Variants in GRIK4 observed in about 807,000 individuals in gnomAD.
GRIK4 encodes glutamate ionotropic receptor kainate type subunit 4.
A neutral mutation model predicts 104.9 loss-of-function variants in GRIK4; 40 were observed. The ratio of observed to expected loss-of-function variants is 0.38; its 90% CI spans 0.30 to 0.50. The LOEUF (loss-of-function observed/expected upper bound fraction) is 0.50. GRIK4 is among the 20% of genes least tolerant of loss of function. The probability of loss-of-function intolerance (pLI) is 0.93; values close to 1 mark genes in which losing one functional copy is unlikely to be tolerated. For synonymous variants in GRIK4, 485 were observed against 524.9 expected (o/e 0.92, Z 1.04); for missense variants, 1,047 against 1,308.1 (o/e 0.80, Z 3.08).
intron 11 of GRIK4, among the ~76,000 whole-genome samples, chr11:120,882,007 A>G (rs746657881): frequency 2.8e-4 from 42 of 152,302 alleles, no homozygotes; most frequent in Non-Finnish European, 5.0e-4. Context: ...AAACAAACCT[A>G]GAACAACAGA....
intron 1 of GRIK4, among the ~76,000 whole-genome samples, chr11:120,528,151 A>G (rs1947879994): frequency 6.6e-6 from 1 of 151,790 alleles, no homozygotes; most frequent in Non-Finnish European, 1.5e-5. Context: ...TTATTTTTGT[A>G]TTTTTTGTGC....
chr11:120,775,739 A>G (rs893335389), intron 3 of GRIK4, among the ~76,000 whole-genome samples: 6 of 152,376 alleles, frequency 3.9e-5, no homozygotes, highest in African/African-American at 1.4e-4. Flanking sequence ...TGACAATCCG[A>G]CAATCCTGAT....
intron 3 of GRIK4, 82 bp downstream of exon 3, chr11:120,660,482 T>C: frequency 9.3e-7 from 1 of 1,070,502 alleles, no homozygotes; most frequent in Non-Finnish European, 1.4e-6. Context: ...TGCACAGGAC[T>C]TGGGGAAGCT....
At chr11:120,766,707 T>A (rs1192462998) in intron 3 of GRIK4, among the ~76,000 whole-genome samples, 1 of 151,554 alleles carries the variant, frequency 6.6e-6, no homozygotes, top group Non-Finnish European at 1.5e-5. Flanking sequence ...CTAGGGGAGG[T>A]AGTTCTCTGA....
At chr11:120,520,093 A>G (rs181486693) in intron 1 of GRIK4, among the ~76,000 whole-genome samples, 1 of 152,020 alleles carries the variant, frequency 6.6e-6, no homozygotes, top group East Asian at 1.9e-4. Flanking sequence ...GGGTTTCACC[A>G]TGTTGGCCAG....
At chr11:120,717,779 G>A (rs572155808) in intron 3 of GRIK4, among the ~76,000 whole-genome samples, 20 of 152,198 alleles carry the variant, frequency 1.3e-4, no homozygotes, top group African/African-American at 3.1e-4. Context: ...AAGCCCAGCC[G>A]CCCAGCCTGG....
At chr11:120,664,432 A>G (rs1949869757) in intron 3 of GRIK4, among the ~76,000 whole-genome samples, 1 of 152,268 alleles carries the variant, frequency 6.6e-6, no homozygotes, top group Admixed American at 6.5e-5. Flanking sequence ...AATAATCAAA[A>G]TAATAACTCC....
intron 11 of GRIK4, among the ~76,000 whole-genome samples, chr11:120,890,300 T>C (rs933258722): frequency 6.6e-6 from 1 of 152,204 alleles, no homozygotes; most frequent in Non-Finnish European, 1.5e-5. Context: ...ATACAGCTTA[T>C]GCATGGGAGA....
intron 1 of GRIK4, among the ~76,000 whole-genome samples, chr11:120,546,696 A>G (rs1255499101): frequency 6.6e-6 from 1 of 152,250 alleles, no homozygotes. Context: ...CTTCTGGCTC[A>G]GCTCCCTCAT....
rs533820643 is a variant in GRIK4, at chr11:120,883,600, T to G, written c.1164+8357T>G. 4.3e-4 allele frequency among the ~76,000 whole-genome samples: 66 copies of G among 152,340 alleles called. 1 individual carries two copies. The highest frequency in any genetic ancestry group is 1.4e-3 in the African/African-American group (59 of 41,576). Reference sequence around the variant, plus strand: ...TTCTCTCCTGCCTTCCTGGCCCATGTAAGTCTGGTTCTTTCTCCCAAAGCA... The same window carrying G: ...TTCTCTCCTGCCTTCCTGGCCCATGGAAGTCTGGTTCTTTCTCCCAAAGCA... On this transcript the variant is annotated intron_variant, in intron 11 of 20. Transcript: ENST00000527524.
chr11:120,873,485 C>G (rs1954670233), intron 9 of GRIK4: 1 of 152,502 alleles, frequency 6.6e-6, no homozygotes, highest in Admixed American at 6.5e-5. Flanking sequence ...CTTCCCCATC[C>G]TGCTGTAATC....
chr11:120,692,416 A>G (rs1950380762), intron 3 of GRIK4, among the ~76,000 whole-genome samples: 1 of 152,196 alleles, frequency 6.6e-6, no homozygotes, highest in South Asian at 2.1e-4. Flanking sequence ...TCAAGGAGCG[A>G]GCAGGCTAGT....
intron 3 of GRIK4, among the ~76,000 whole-genome samples, chr11:120,701,823 C>T (rs1287466643): frequency 6.6e-6 from 1 of 151,784 alleles, no homozygotes; most frequent in Non-Finnish European, 1.5e-5. Flanking sequence ...GTCCAGGATG[C>T]AGCAGTAAAG....
At chr11:120,893,845 G>C (rs1942489385) in intron 11 of GRIK4, among the ~76,000 whole-genome samples, 1 of 152,188 alleles carries the variant, frequency 6.6e-6, no homozygotes, top group Non-Finnish European at 1.5e-5. Flanking sequence ...AGCATGGGCG[G>C]GCACTGAAGC....
chr11:120,622,954 A>C (rs1341020744), intron 1 of GRIK4, among the ~76,000 whole-genome samples: 1 of 152,194 alleles, frequency 6.6e-6, no homozygotes, highest in East Asian at 1.9e-4. Context: ...TTTGCCATGC[A>C]AGGTAACATC....
chr11:120,879,290 G>C (rs1954900010), intron 11 of GRIK4, among the ~76,000 whole-genome samples: 2 of 152,212 alleles, frequency 1.3e-5, no homozygotes, highest in Admixed American at 6.5e-5. Context: ...TGCAAACCAG[G>C]ACAGTGCCTG....
In GRIK4 at chr11:120,898,715, C is replaced by G; in HGVS notation, c.1272+76C>G. ...CGGCTCTGAGCACTCACAGGCTGCC[C>G]CTTGAACAGAAGATGGGAGCTCTAA... On this transcript the variant is annotated intron_variant, in intron 12 of 20. Coordinates refer to ENST00000527524, the MANE Select transcript of GRIK4 (RefSeq NM_014619.5). 8 of 794,764 alleles carry G rather than the reference C, an allele frequency of 1.0e-5. No homozygotes were observed. The South Asian group carries it at 1.2e-4, about 11-fold the overall frequency. The allele number at this position is 794,764 out of a possible 1,614,324, so 49.2% of individuals were successfully genotyped here.
chr11:120,545,722 TTGAG>T (rs1948079852), intron 1 of GRIK4, among the ~76,000 whole-genome samples: 1 of 152,286 alleles, frequency 6.6e-6, no homozygotes, highest in African/African-American at 2.4e-5. Context: ...GAACTGTTGA[TTGAG>T]TTTCACCTGC....
At chr11:120,544,138 C>T (rs1852588010) in intron 1 of GRIK4, among the ~76,000 whole-genome samples, 2 of 152,114 alleles carry the variant, frequency 1.3e-5, no homozygotes, top group Non-Finnish European at 2.9e-5. Flanking sequence ...GCGTTCTTAC[C>T]ATAGACATAT....
Sources: allele counts gnomAD v4.1 joint callset (sites outside exome capture counted in the v4.1 genomes callset), GRCh38; gene constraint gnomAD v4.1.1; transcripts MANE v1.5; gene names NCBI Gene and HGNC (gene_info 2026-07-23, HGNC 2026-07-21).